PARG: variants seen among roughly 807,000 people sequenced by gnomAD.
PARG encodes the protein mitochondrial poly(ADP-ribose) glycohydrolase.
Under a neutral mutation model 113.0 loss-of-function variants are expected in PARG, and 35 were observed. The ratio of observed to expected loss-of-function variants is 0.31; its 90% CI spans 0.24 to 0.41. The LOEUF is 0.41. PARG is among the 10% of genes least tolerant of loss of function. PARG has a pLI of 1.00. For synonymous variants in PARG, 330 were observed against 409.9 expected, an observed-to-expected ratio of 0.81 and a Z score of 2.36; for missense variants, 797 against 1,169.4, an observed-to-expected ratio of 0.68 and a Z score of 4.64.
intron 6 of PARG, among the ~76,000 whole-genome samples, chr10:49,921,742 TATAA>T (rs1837884726): frequency 1.6e-5 from 2 of 127,508 alleles, no homozygotes; most frequent in Admixed American, 2.2e-4. Context: ...TGCCCCCAAA[TATAA>T]ATATATATAT....
At chr10:49,906,444 A>C (rs1434804320) in intron 7 of PARG, among the ~76,000 whole-genome samples, 1 of 152,022 alleles carries the variant, frequency 6.6e-6, no homozygotes, top group Non-Finnish European at 1.5e-5. Flanking sequence ...CCCTTTCCCT[A>C]GCCATTTTCA....
At chr10:49,919,739 C>A (rs1212256622) in intron 6 of PARG, among the ~76,000 whole-genome samples, 1 of 152,188 alleles carries the variant, frequency 6.6e-6, no homozygotes, top group Admixed American at 6.5e-5. Flanking sequence ...ACCAAGTAAA[C>A]TCTAGCAGAA....
chr10:49,915,623 T>C (rs558169226), intron 7 of PARG, among the ~76,000 whole-genome samples: 7 of 152,226 alleles, frequency 4.6e-5, no homozygotes, highest in South Asian at 2.1e-4. Flanking sequence ...ACCTGTATGT[T>C]TGAGAATATA....
intron 1 of PARG, among the ~76,000 whole-genome samples, chr10:49,936,576 A>G (rs1354519090): frequency 3.9e-5 from 6 of 152,250 alleles, no homozygotes; most frequent in African/African-American, 1.4e-4. Context: ...GTGTGCTGTC[A>G]AAATTTAATA....
intron 16 of PARG, among the ~76,000 whole-genome samples, chr10:49,828,417 C>T (rs1490732718): frequency 2.0e-5 from 3 of 152,198 alleles, no homozygotes; most frequent in African/African-American, 7.2e-5. Flanking sequence ...GTAGAGCTTG[C>T]ACTGGCTCGA....
chr10:49,910,078 A>G (rs1309685516), intron 7 of PARG: 7 of 152,332 alleles, frequency 4.6e-5, no homozygotes, highest in African/African-American at 1.4e-4. Context: ...AATTTGCATC[A>G]TTCAAAACTC....
At chr10:49,929,199 GGAGA>G (rs1221285490) in intron 4 of PARG, among the ~76,000 whole-genome samples, 1 of 150,136 alleles carries the variant, frequency 6.7e-6, no homozygotes, top group Non-Finnish European at 1.5e-5. Flanking sequence ...TGGGAGGGTG[GGAGA>G]GAGGAGGAAG....
At chr10:49,911,600 T>C (rs1554846283) in intron 7 of PARG, among the ~76,000 whole-genome samples, 1 of 152,234 alleles carries the variant, frequency 6.6e-6, no homozygotes, top group African/African-American at 2.4e-5. Context: ...AAATATATAA[T>C]TATAAATAAC....
intron 7 of PARG, among the ~76,000 whole-genome samples, chr10:49,906,159 T>TTTTTC (rs4012651): frequency 7.0e-6 from 1 of 142,192 alleles, no homozygotes; most frequent in Non-Finnish European, 1.6e-5. Context: ...TTTTTTTTTT[T>TTTTTC]CCCAGTAGAA....
intron 17 of PARG, among the ~76,000 whole-genome samples, chr10:49,819,964 C>A (rs1345566762): frequency 6.6e-6 from 1 of 152,156 alleles, no homozygotes; most frequent in East Asian, 1.9e-4. Flanking sequence ...AGCTGATATA[C>A]CCTATCAAGA....
intron 2 of PARG, 115 bp from the exon 3 acceptor site, chr10:49,934,278 A>T (rs1370347854): frequency 4.8e-6 from 3 of 628,434 alleles, no homozygotes; most frequent in Non-Finnish European, 8.5e-6. Flanking sequence ...CTGAGCACAC[A>T]GCATGTCTTC....
intron 4 of PARG, among the ~76,000 whole-genome samples, 190 bp from the exon 5 acceptor site, chr10:49,922,859 A>T (rs1338611139): frequency 2.0e-5 from 3 of 152,206 alleles, no homozygotes; most frequent in Admixed American, 6.5e-5. Context: ...CAGATATAGT[A>T]TATATTCTAG....
intron 7 of PARG, among the ~76,000 whole-genome samples, chr10:49,906,144 C>CT (rs71471360): frequency 0.013 from 1,466 of 111,008 alleles, 21 homozygotes; most frequent in Non-Finnish European, 0.014. Context: ...GATGCTGCCG[C>CT]TTTTTTTTTT....
At chr10:49,928,252 C>G (rs1589006115) in intron 4 of PARG, among the ~76,000 whole-genome samples, 1 of 150,578 alleles carries the variant, frequency 6.6e-6, no homozygotes, top group South Asian at 2.1e-4. Flanking sequence ...GTCTGGGTGA[C>G]AGAGCAAGAC....
chr10:49,881,829 T>C (rs1196361226), intron 8 of PARG, among the ~76,000 whole-genome samples: 1 of 152,182 alleles, frequency 6.6e-6, no homozygotes, highest in African/African-American at 2.4e-5. Context: ...CAAAATTCTC[T>C]CCCCTTCAGG....
chr10:49,919,400 T>C (rs373159294), intron 6 of PARG, among the ~76,000 whole-genome samples: 2 of 152,368 alleles, frequency 1.3e-5, no homozygotes, highest in South Asian at 4.1e-4. Flanking sequence ...TATAATTTTG[T>C]TTTTAGAGAA....
chr10:49,837,955 T>G (rs1312465865), intron 15 of PARG, among the ~76,000 whole-genome samples: 3 of 152,168 alleles, frequency 2.0e-5, no homozygotes, highest in African/African-American at 7.2e-5. Flanking sequence ...GAGAAAAGCA[T>G]TTAACAGGTA....
intron 16 of PARG, 51 bp from the exon 17 acceptor site, chr10:49,820,344 T>C: frequency 7.3e-7 from 1 of 1,378,070 alleles, no homozygotes; most frequent in African/African-American, 1.4e-5. Flanking sequence ...TCCACCTAGA[T>C]ACCTTTAGCT....
At chr10:49,932,810 C>T (rs1157965368) in intron 3 of PARG, among the ~76,000 whole-genome samples, 5 of 148,456 alleles carry the variant, frequency 3.4e-5, no homozygotes, top group East Asian at 2.0e-4. Context: ...CTGCCTGTCA[C>T]GGCATTAAAC....
Sources: gnomAD v4.1 joint callset for allele counts (sites outside exome capture counted in the v4.1 genomes callset) on GRCh38, gnomAD v4.1.1 for gene constraint, MANE v1.5 for transcripts, NCBI Gene and HGNC (gene_info 2026-07-23, HGNC 2026-07-21) for gene names.